BMP8A: variants seen among roughly 807,000 people sequenced by gnomAD.
BMP8A encodes BMP-8A.
Under a neutral mutation model 36.8 loss-of-function variants are expected in BMP8A, and 14 were observed. That is an observed-to-expected ratio of 0.38 (90% CI 0.25 to 0.60). The LOEUF is 0.60. Among genes scored for constraint, BMP8A ranks in the 20% least tolerant of loss-of-function variants. BMP8A has a pLI of 0.63. For synonymous variants in BMP8A, 120 were observed against 237.7 expected (o/e 0.50, Z 4.55); for missense variants, 267 against 551.1 (o/e 0.48, Z 5.16).
At chr1:39,503,387 C>T (rs72663503) in intron 1 of BMP8A, among the ~76,000 whole-genome samples, 26,378 of 151,800 alleles carry the variant, frequency 0.17, 2,889 homozygotes, top group Middle Eastern at 0.25. Context: ...ACTATTGGCT[C>T]ATGTCTATGA....
At chr1:39,515,758 A>G (rs1332469287) in intron 3 of BMP8A, 3 of 1,590,992 alleles carry the variant, frequency 1.9e-6, no homozygotes, top group African/African-American at 2.7e-5. Context: ...AGGGGCAGAA[A>G]TACGAGAAAC....
At chr1:39,518,095 T>TTGTG (rs71844778) in intron 3 of BMP8A, among the ~76,000 whole-genome samples, 70 of 151,326 alleles carry the variant, frequency 4.6e-4, no homozygotes, top group Non-Finnish European at 5.8e-4. Context: ...AAAATTAAGA[T>TTGTG]TGTGTGTGTG....
In BMP8A at chr1:39,524,817, T is replaced by A. The variant is rs1415464335; in HGVS notation, c.1060-832T>A. The A allele has an allele frequency of 2.0e-5, 3 of 151,996 alleles. No homozygotes were observed. The East Asian group carries it at 5.8e-4, about 29-fold the overall frequency. The allele number at this position is 151,996 out of a possible 1,614,324, so 9.4% of individuals were successfully genotyped here. ...GGAAGGCAGAGGAGCAGGGGATGAG[T>A]GAGGGCTGCTGTGGTCACCTGGCAG... On this transcript the variant is annotated intron_variant, in intron 6 of 6. Coordinates refer to ENST00000331593, the MANE Select transcript of BMP8A (RefSeq NM_181809.4). The surrounding 1 kb of genome is among the most constrained non-coding windows in gnomAD (Gnocchi z 4.0).
intron 1 of BMP8A, among the ~76,000 whole-genome samples, chr1:39,500,984 G>A (rs1478335753): frequency 6.6e-6 from 1 of 152,194 alleles, no homozygotes; most frequent in Non-Finnish European, 1.5e-5. Context: ...TACAATTCTA[G>A]TGGCTGAAAG....
rs1645173480 is a variant in BMP8A at position 39,492,849 on chromosome 1, G to A, written c.334+524G>A. Among the ~76,000 whole-genome samples the A allele has an allele frequency of 2.0e-5, 3 of 152,312 alleles. No homozygotes were observed. In the South Asian group the frequency reaches 6.2e-4, roughly 32 times the overall value. On this transcript the variant is annotated intron_variant, in intron 1 of 6. Coordinates refer to ENST00000331593, the MANE Select transcript of BMP8A (RefSeq NM_181809.4). ...GCTGTCAGGGGAGCGGCTGGGGAAG[G>A]AGCAGACTCAGCTCGCTGGGGCAGG...
chr1:39,529,196 C>T lies in BMP8A; in HGVS notation c.*3398C>T, dbSNP rs1645511643. 6.6e-6 allele frequency: 1 copy of T among 152,246 alleles called. No homozygotes were observed. Among genetic ancestry groups the T allele is most frequent in the Non-Finnish European group, 1.5e-5 (1 of 68,068 alleles). 9.4% of individuals were successfully genotyped at this position (152,246 alleles called of 1,614,324 possible). A position where few individuals can be genotyped will look rare whatever the true frequency, so the allele number is the denominator to read the frequency against. ...AATAAACAGCAATTCTGAGCAGGCT[C>T]ATTTTAAAGGGACTTGCAAATTTGG... On this transcript the variant is annotated 3_prime_UTR_variant, in exon 7 of 7. Transcript: ENST00000331593.
intron 1 of BMP8A, among the ~76,000 whole-genome samples, chr1:39,508,219 G>A (rs1390234873): frequency 6.7e-6 from 1 of 150,132 alleles, no homozygotes; most frequent in South Asian, 2.1e-4. Flanking sequence ...CCACTGCACT[G>A]CAGCCTGGGA....
At position 39,529,207 on chromosome 1, in the gene BMP8A, G is replaced by A. The variant is rs1329048984; in HGVS notation, c.*3409G>A. 6.6e-6 allele frequency: 1 copy of A among 152,236 alleles called. No homozygotes were observed. 9.4% of individuals were successfully genotyped at this position (152,236 alleles called of 1,614,324 possible). A position where few individuals can be genotyped will look rare whatever the true frequency, so the allele number is the denominator to read the frequency against. On this transcript the variant is annotated 3_prime_UTR_variant, in exon 7 of 7. Transcript: ENST00000331593. ...ATTCTGAGCAGGCTCATTTTAAAGG[G>A]ACTTGCAAATTTGGGCGTTCCTTGT... is the stretch of plus-strand genomic sequence containing the variant.
intron 1 of BMP8A, among the ~76,000 whole-genome samples, chr1:39,499,781 G>A (rs920376304): frequency 1.2e-4 from 19 of 152,282 alleles, no homozygotes; most frequent in African/African-American, 4.1e-4. Flanking sequence ...GTGCAGCTCC[G>A]CGTGGATAGC....
At chr1:39,492,805 G>C (rs185151161) in intron 1 of BMP8A, among the ~76,000 whole-genome samples, 1 of 152,192 alleles carries the variant, frequency 6.6e-6, no homozygotes, top group Non-Finnish European at 1.5e-5. Context: ...TTCCCTGTGC[G>C]GAGCCTGGGT....
intron 1 of BMP8A, among the ~76,000 whole-genome samples, chr1:39,504,006 C>T (rs746119276): frequency 8.5e-5 from 13 of 152,140 alleles, no homozygotes; most frequent in East Asian, 3.8e-4. Flanking sequence ...AATGAAAAAT[C>T]GTGACATTAC....
At chr1:39,504,198 A>C (rs1645278341) in intron 1 of BMP8A, among the ~76,000 whole-genome samples, 1 of 151,916 alleles carries the variant, frequency 6.6e-6, no homozygotes, top group Admixed American at 6.6e-5. Flanking sequence ...GAGACTGAGA[A>C]AAGAAATAAG....
intron 1 of BMP8A, among the ~76,000 whole-genome samples, chr1:39,501,152 A>C (rs1358102378): frequency 3.3e-5 from 5 of 152,164 alleles, no homozygotes; most frequent in Non-Finnish European, 7.3e-5. Context: ...CTAGGGAACT[A>C]ATCCATTCCC....
At position 39,515,638 on chromosome 1, in the gene BMP8A, G is replaced by A. The variant is rs1255385950; in HGVS notation, c.673+3734G>A. 5.1e-6 allele frequency: 8 copies of A among 1,569,646 alleles called. 1 individual carries two copies. Among genetic ancestry groups the A allele is most frequent in the Non-Finnish European group, 8.7e-7 (1 of 1,147,324 alleles). On this transcript the variant is annotated intron_variant, in intron 3 of 6. Transcript: ENST00000331593. ...AACGTGGTCTTCAGGAGAAGCGCCC[G>A]CAATTTCAACGTGCCCATGTGCAAA...
At chr1:39,518,190 G>A (rs1338451076) in intron 3 of BMP8A, among the ~76,000 whole-genome samples, 1 of 151,932 alleles carries the variant, frequency 6.6e-6, no homozygotes, top group Non-Finnish European at 1.5e-5. Context: ...TAGCTCTGGG[G>A]GTTCCCAGGC....
Position 39,491,947 on chromosome 1 carries a change from C to T in BMP8A, c.-45C>T. ...GTCGGGGCGTCCCCGGGCCCAGGGG[C>T]GGCGGCGGAGCTGATGTGCGCCCGC... On this transcript the variant is annotated 5_prime_UTR_variant, in exon 1 of 7. Transcript: ENST00000331593. The T allele has an allele frequency of 9.4e-7, 1 of 1,060,436 alleles. No homozygotes were observed. Among genetic ancestry groups the T allele is most frequent in the African/African-American group, 1.7e-5 (1 of 58,788 alleles). 65.7% of individuals were successfully genotyped at this position (1,060,436 alleles called of 1,614,324 possible). A position where few individuals can be genotyped will look rare whatever the true frequency, so the allele number is the denominator to read the frequency against.
chr1:39,516,815 G>A (rs1357155698), intron 3 of BMP8A, among the ~76,000 whole-genome samples: 2 of 151,928 alleles, frequency 1.3e-5, no homozygotes, highest in Non-Finnish European at 2.9e-5. Context: ...CGCCTCCCTC[G>A]TACTTGAACC....
At chr1:39,515,075 C>T in intron 3 of BMP8A, 1 of 1,588,582 alleles carries the variant, frequency 6.3e-7, no homozygotes, top group South Asian at 1.1e-5. Flanking sequence ...GGCCCCGTGC[C>T]AAGTTCTACG....
chr1:39,509,760 G>C (rs535918146), intron 1 of BMP8A, among the ~76,000 whole-genome samples: 32 of 152,228 alleles, frequency 2.1e-4, no homozygotes, highest in African/African-American at 4.6e-4. Context: ...CCAGTAACCA[G>C]AGAGAATTTT....
Sources: gnomAD v4.1 joint callset for allele counts (sites outside exome capture counted in the v4.1 genomes callset) on GRCh38, gnomAD v4.1.1 for gene constraint, Gnocchi (gnomAD v3.1) non-coding constraint, MANE v1.5 for transcripts, NCBI Gene and HGNC (gene_info 2026-07-23, HGNC 2026-07-21) for gene names.